FYCO1: variants seen among roughly 807,000 people sequenced by gnomAD.
FYCO1 encodes FYVE and coiled-coil domain-containing protein 1.
Under a neutral mutation model 165.1 loss-of-function variants are expected in FYCO1, and 122 were observed. The ratio of observed to expected loss-of-function variants is 0.74; its 90% CI spans 0.64 to 0.86. The LOEUF is 0.86. FYCO1 is among the 40% of genes least tolerant of loss of function. The probability of loss-of-function intolerance (pLI) is 0.00; values close to 1 mark genes in which losing one functional copy is unlikely to be tolerated. For missense variants in FYCO1, 1,702 were observed against 1,810.3 expected (o/e 0.94, Z 1.09); for synonymous variants, 648 against 742.5 (o/e 0.87, Z 2.07).
chr3:45,937,852 C>G (rs1052536763), intron 14 of FYCO1, among the ~76,000 whole-genome samples: 1 of 152,080 alleles, frequency 6.6e-6, no homozygotes, highest in Non-Finnish European at 1.5e-5. Context: ...TTTCCAGGCC[C>G]GCACCCTCAC....
rs1575364327 is a variant in FYCO1, at chr3:45,962,630, A to G, written c.3270-238T>C. 6.6e-6 allele frequency among the ~76,000 whole-genome samples: 1 copy of G among 152,282 alleles called. No homozygotes were observed. The highest frequency in any genetic ancestry group is 1.9e-4 in the East Asian group (1 of 5,172). ...GACCCCAGGTTGCCAGAAGCACCCT[A>G]AGTGAATAGAACTCTGCACCCCTTG... On this transcript the variant is annotated intron_variant, in intron 10 of 17. Coordinates refer to ENST00000296137, the MANE Select transcript of FYCO1 (RefSeq NM_024513.4). This position sits in a 1 kb window ranked among gnomAD's most constrained non-coding sequence, Gnocchi z 4.4.
chr3:45,981,051 A>G (rs1311429277), intron 3 of FYCO1, among the ~76,000 whole-genome samples: 1 of 152,228 alleles, frequency 6.6e-6, no homozygotes. Context: ...GGAGCCAAGA[A>G]TATACTACAA....
chr3:45,965,060 A>C lies in FYCO1; in HGVS notation c.3123T>G (p.Ala1041=), dbSNP rs767926756. The part of the protein sequence containing the change: ...QLEEQGRQLQ[A]AEEAVEKLKA... Reference sequence around the variant, plus strand: ...TCAGCTTCTCCACAGCTTCCTCAGCAGCCTGCAGCTGCCGGCCTTGCTCCT... The same window carrying C: ...TCAGCTTCTCCACAGCTTCCTCAGCCGCCTGCAGCTGCCGGCCTTGCTCCT... Residue 1041 remains alanine (A), a synonymous_variant, in exon 9 of 18, where the codon GCT becomes GCG. Coordinates refer to ENST00000296137, the MANE Select transcript of FYCO1 (RefSeq NM_024513.4). The C allele has an allele frequency of 6.2e-7, 1 of 1,614,162 alleles. No individual in the cohort carries two copies. The highest frequency in any genetic ancestry group is 8.5e-7 in the Non-Finnish European group (1 of 1,180,010).
chr3:45,994,894 T>G (rs1488499038), intron 1 of FYCO1, among the ~76,000 whole-genome samples: 4 of 149,418 alleles, frequency 2.7e-5, no homozygotes, highest in African/African-American at 9.7e-5. Context: ...ACAAGTGTTC[T>G]ATTTTTTTTT....
At chr3:45,957,022 T>G in intron 13 of FYCO1, among the ~76,000 whole-genome samples, 1 of 152,220 alleles carries the variant, frequency 6.6e-6, no homozygotes, top group Non-Finnish European at 1.5e-5. Context: ...AGTTTGGTAT[T>G]AGTGAAAGAA....
Position 45,955,381 on chromosome 3 carries a change from T to C in FYCO1, c.3812A>G (p.Asp1271Gly). 2.5e-6 allele frequency: 4 copies of C among 1,614,142 alleles called. No homozygotes were observed. Among genetic ancestry groups the C allele is most frequent in the Non-Finnish European group, 3.4e-6 (4 of 1,180,018 alleles). Residue 1271 changes from aspartate to glycine, a missense_variant, in exon 14 of 18, where the codon GAC (aspartate) becomes GGC (glycine). Asp to Gly is a moderately conservative substitution (Grantham distance 94). Transcript: ENST00000296137. ...CACAGCGTCGTCCGGTGGCCTGTAG[T>C]CTGTATTTGCTCCTGGGCAGCAGAG... ...QATGGQGANT[D>G]YRPPDDAVFD...
At chr3:45,923,905 C>T in intron 16 of FYCO1, 140 bp from the exon 17 acceptor site, 1 of 701,950 alleles carries the variant, frequency 1.4e-6, no homozygotes, top group South Asian at 1.5e-5. Flanking sequence ...GAGCTGTGAC[C>T]AGCCCCAGTA....
chr3:45,971,864 T>C (rs1291819379), intron 6 of FYCO1, among the ~76,000 whole-genome samples: 1 of 152,196 alleles, frequency 6.6e-6, no homozygotes, highest in African/African-American at 2.4e-5. Flanking sequence ...GTAAATTAGA[T>C]AGCAGTATTG....
At chr3:45,940,782 C>T (rs1442777977) in intron 14 of FYCO1, among the ~76,000 whole-genome samples, 2 of 152,172 alleles carry the variant, frequency 1.3e-5, no homozygotes, top group South Asian at 2.1e-4. Context: ...TTCTGCCCCT[C>T]GGCCAAATTC....
At position 45,921,309 on chromosome 3, in the gene FYCO1, C is replaced by T; in HGVS notation, c.*456G>A. The stretch of plus-strand genomic sequence containing the variant: ...CAGGAGTACCTGAGGGCGTCACAGC[C>T]TGAGGATTCACAGGGCATGGCCAGT... On this transcript the variant is annotated 3_prime_UTR_variant, in exon 18 of 18. Coordinates refer to ENST00000296137, the MANE Select transcript of FYCO1 (RefSeq NM_024513.4). 1 of 241,450 alleles carries T rather than the reference C, an allele frequency of 4.1e-6. No individual in the cohort carries two copies. Among genetic ancestry groups the T allele is most frequent in the Admixed American group, 5.1e-5 (1 of 19,516 alleles). 15.0% of individuals were successfully genotyped at this position (241,450 alleles called of 1,614,324 possible). A position where few individuals can be genotyped will look rare whatever the true frequency, so the allele number is the denominator to read the frequency against.
Position 45,921,782 on chromosome 3 carries a change from C to T in FYCO1, c.4420G>A (p.Gly1474Arg). ...TGCTGAAGCTACAGGAAATCACTTC[C>T]ATCGTAGATCACAGGCCGATCAACC... ...LTVDRPVIYD[G>R]SDFL The change falls in exon 18 of 18, where the codon GGA (glycine) becomes AGA (arginine). Residue 1474 changes from glycine (G) to arginine (R), a missense_variant. Physicochemically the swap from Gly to Arg is moderately radical, Grantham distance 125. Coordinates refer to ENST00000296137, the MANE Select transcript of FYCO1 (RefSeq NM_024513.4). The T allele has an allele frequency of 6.2e-7, 1 of 1,610,842 alleles. No individual in the cohort carries two copies. Among genetic ancestry groups the T allele is most frequent in the Non-Finnish European group, 8.5e-7 (1 of 1,176,998 alleles).
intron 15 of FYCO1, among the ~76,000 whole-genome samples, chr3:45,936,156 A>C (rs1703876244): frequency 6.6e-6 from 1 of 152,234 alleles, no homozygotes; most frequent in Non-Finnish European, 1.5e-5. Context: ...TTTTGAAAAA[A>C]GAACATGAGG....
chr3:45,995,032 G>T (rs1575395367), intron 1 of FYCO1, among the ~76,000 whole-genome samples: 1 of 148,664 alleles, frequency 6.7e-6, no homozygotes, highest in African/African-American at 2.5e-5. Flanking sequence ...ATAAAATCCC[G>T]CCATCCTCCC....
At position 45,979,831 on chromosome 3, in the gene FYCO1, C is replaced by T; in HGVS notation, c.163-1G>A. 6.2e-7 allele frequency: 1 copy of T among 1,613,796 alleles called. No homozygotes were observed. The highest frequency in any genetic ancestry group is 1.1e-5 in the South Asian group (1 of 91,070). ...GGGTGGCCTTCTCTTTCTGATCAAA[C>T]TGGGTAGGGAAAGGGAAAGGGAGAG... On this transcript the variant is annotated splice_acceptor_variant, in intron 3 of 17. Coordinates refer to ENST00000296137, the MANE Select transcript of FYCO1 (RefSeq NM_024513.4). LOFTEE classifies it high-confidence loss of function.
chr3:45,961,938 T>C (rs1705718368), intron 11 of FYCO1, among the ~76,000 whole-genome samples: 1 of 152,368 alleles, frequency 6.6e-6, no homozygotes, highest in South Asian at 2.1e-4. Flanking sequence ...CTGGCAGTTC[T>C]AGGCCAAGAC....
chr3:45,934,412 T>G (rs571612029), intron 15 of FYCO1, among the ~76,000 whole-genome samples: 69 of 152,310 alleles, frequency 4.5e-4, no homozygotes, highest in African/African-American at 1.6e-3. Context: ...TAACTTATTA[T>G]CTATGGGGGA....
At chr3:45,992,920 A>T (rs1449858800) in intron 1 of FYCO1, among the ~76,000 whole-genome samples, 1 of 152,016 alleles carries the variant, frequency 6.6e-6, no homozygotes, top group Non-Finnish European at 1.5e-5. Flanking sequence ...TGCCCCCTGC[A>T]TGCTAATGGT....
chr3:45,925,134 T>G (rs1455666370), intron 16 of FYCO1, among the ~76,000 whole-genome samples: 1 of 151,946 alleles, frequency 6.6e-6, no homozygotes, highest in Non-Finnish European at 1.5e-5. Context: ...TTCATCATGT[T>G]GGCCAGGCTG....
intron 1 of FYCO1, among the ~76,000 whole-genome samples, chr3:45,994,369 C>G (rs1050393728): frequency 6.6e-6 from 1 of 152,176 alleles, no homozygotes; most frequent in Admixed American, 6.5e-5. Flanking sequence ...AAGATAGTCA[C>G]TTTGAACATA....
Sources: allele counts gnomAD v4.1 joint callset (sites outside exome capture counted in the v4.1 genomes callset), GRCh38; gene constraint gnomAD v4.1.1; non-coding constraint Gnocchi (gnomAD v3.1); transcripts MANE v1.5; gene names NCBI Gene and HGNC (gene_info 2026-07-23, HGNC 2026-07-21).